Variants in SGCZ observed in about 807,000 individuals in gnomAD.
SGCZ encodes zeta-sarcoglycan.
SGCZ carries 40 observed loss-of-function variants against 41.3 expected under a neutral mutation model. The observed-to-expected ratio is 0.97, with a 90% CI of 0.75 to 1.26. The LOEUF (loss-of-function observed/expected upper bound fraction) is 1.26, where lower values mean the gene tolerates loss of function less well. Among genes scored for constraint, SGCZ ranks in the 50% most tolerant of loss-of-function variants. SGCZ has a pLI of 0.00. For synonymous variants in SGCZ, 206 were observed against 137.5 expected, an observed-to-expected ratio of 1.50 and a Z score of -3.49; for missense variants, 552 against 369.8, an observed-to-expected ratio of 1.49 and a Z score of -4.04.
At chr8:14,702,731 T>TAATA (rs149417372) in intron 1 of SGCZ, among the ~76,000 whole-genome samples, 1 of 91,200 alleles carries the variant, frequency 1.1e-5, no homozygotes, top group Admixed American at 1.4e-4. Flanking sequence ...CTGGCTTCAA[T>TAATA]GATAGATAGA....
At chr8:14,544,046 G>A (rs1239766523) in intron 2 of SGCZ, among the ~76,000 whole-genome samples, 2 of 152,028 alleles carry the variant, frequency 1.3e-5, no homozygotes, top group Non-Finnish European at 2.9e-5. Context: ...TTTGTAAGAG[G>A]GCTTTAATGG....
At chr8:14,354,591 G>T (rs11991390) in intron 2 of SGCZ, among the ~76,000 whole-genome samples, 6,829 of 151,562 alleles carry the variant, frequency 0.045, 505 homozygotes, top group African/African-American at 0.15. Flanking sequence ...TAATACAAGA[G>T]TAAACTAGAG....
chr8:15,096,460 A>G (rs1806349795), intron 1 of SGCZ, among the ~76,000 whole-genome samples: 2 of 152,256 alleles, frequency 1.3e-5, no homozygotes, highest in Admixed American at 1.3e-4. Flanking sequence ...CAAAGGAGAC[A>G]CTTGTGAGAT....
rs10604213 is a variant in SGCZ at position 14,854,021 on chromosome 8, TTATATATATATATA to T, written c.40-299109_40-299096del. Among the ~76,000 whole-genome samples the T allele has an allele frequency of 5.8e-3, 628 of 107,678 alleles. 7 individuals carry two copies. The highest frequency in any genetic ancestry group is 0.026 in the South Asian group (78 of 2,984). 70.6% of individuals were successfully genotyped at this position (107,678 alleles called of 152,430 possible). A position where few individuals can be genotyped will look rare whatever the true frequency, so the allele number is the denominator to read the frequency against. ...CGACATCAGTTTCTATGTGATTATA[TTATATATATATATA>T]TATATATATATATATATATATCCTT... On this transcript the variant is annotated intron_variant, in intron 1 of 7. Coordinates refer to ENST00000382080, the MANE Select transcript of SGCZ (RefSeq NM_139167.4).
rs1372117623 is a variant in SGCZ at position 14,408,649 on chromosome 8, G to T, written c.235-84445C>A. Among the ~76,000 whole-genome samples, 3 of 152,030 alleles carry T rather than the reference G, an allele frequency of 2.0e-5. No individual in the cohort carries two copies. The East Asian group carries it at 5.8e-4, about 29-fold the overall frequency. ...TCTGCAGCAACATTTCATTGCATTTGGATGGTCCCAGGCTGTGAGTTATCT... is the reference window on the plus strand; with the variant it reads ...TCTGCAGCAACATTTCATTGCATTTTGATGGTCCCAGGCTGTGAGTTATCT... On this transcript the variant is annotated intron_variant, in intron 2 of 7. Transcript: ENST00000382080.
At chr8:14,934,883 A>G (rs1585392261) in intron 1 of SGCZ, among the ~76,000 whole-genome samples, 1 of 151,580 alleles carries the variant, frequency 6.6e-6, no homozygotes, top group East Asian at 1.9e-4. Flanking sequence ...CCTAAACAAG[A>G]AAAGTAAAAT....
rs546406786 is a variant in SGCZ at position 14,794,052 on chromosome 8, A to G, written c.40-239126T>C. ...TCCTAATAAAGAAGAACTTAAAGAT[A>G]TAGAAACCACTGTTCCTCATTAAGA... On this transcript the variant is annotated intron_variant, in intron 1 of 7. Transcript: ENST00000382080. 2.3e-4 allele frequency among the ~76,000 whole-genome samples: 35 copies of G among 152,296 alleles called. No homozygotes were observed. The South Asian group carries it at 7.2e-3, about 32-fold the overall frequency.
intron 1 of SGCZ, among the ~76,000 whole-genome samples, chr8:14,776,691 C>T (rs1800413404): frequency 6.6e-6 from 1 of 151,652 alleles, no homozygotes; most frequent in African/African-American, 2.4e-5. Context: ...GGCGGGGTTT[C>T]ACCGTGTTAG....
intron 1 of SGCZ, among the ~76,000 whole-genome samples, chr8:15,101,373 C>T (rs1007575250): frequency 2.6e-5 from 4 of 151,928 alleles, no homozygotes; most frequent in African/African-American, 9.7e-5. Flanking sequence ...CAACTCAATT[C>T]AAAATATTAA....
chr8:15,180,234 GT>G lies in SGCZ; in HGVS notation c.39+57350del, dbSNP rs1308984027. Among the ~76,000 whole-genome samples the G allele has an allele frequency of 7.6e-3, 1,162 of 152,196 alleles. 13 individuals are homozygous for G. Among genetic ancestry groups the G allele is most frequent in the African/African-American group, 0.025 (1,022 of 41,502 alleles). On this transcript the variant is annotated intron_variant, in intron 1 of 7. Transcript: ENST00000382080. The stretch of plus-strand genomic sequence containing the variant: ...AAATAATCCACACATGTTCTCCCCA[GT>G]TTATCTGAGTGCTTCAAATGTGTAG...
At chr8:15,181,767 T>C (rs778552011) in intron 1 of SGCZ, among the ~76,000 whole-genome samples, 4 of 152,210 alleles carry the variant, frequency 2.6e-5, no homozygotes, top group Non-Finnish European at 5.9e-5. Context: ...TGTGTTTCTG[T>C]CTGTATAATT....
At chr8:14,146,650 AT>A (rs1362096209) in intron 5 of SGCZ, among the ~76,000 whole-genome samples, 1 of 152,044 alleles carries the variant, frequency 6.6e-6, no homozygotes, top group Admixed American at 6.6e-5. Context: ...AGGCGGGCGG[AT>A]CACGAGGTCA....
intron 1 of SGCZ, among the ~76,000 whole-genome samples, chr8:14,775,747 A>C (rs1327905549): frequency 6.6e-6 from 1 of 152,194 alleles, no homozygotes; most frequent in African/African-American, 2.4e-5. Flanking sequence ...AAATAAGGTT[A>C]ATTTTCAAAA....
chr8:14,559,224 G>C (rs1027798449), intron 1 of SGCZ, among the ~76,000 whole-genome samples: 1 of 151,936 alleles, frequency 6.6e-6, no homozygotes, highest in African/African-American at 2.4e-5. Flanking sequence ...TGTATACCTA[G>C]AAAACCCTAA....
At chr8:14,157,002 T>A (rs1003899739) in intron 5 of SGCZ, among the ~76,000 whole-genome samples, 10 of 152,168 alleles carry the variant, frequency 6.6e-5, no homozygotes, top group Admixed American at 3.3e-4. Context: ...AGTAAATACA[T>A]AAATCAGTAA....
At chr8:14,775,476 T>A (rs201938297) in intron 1 of SGCZ, among the ~76,000 whole-genome samples, 26,893 of 151,524 alleles carry the variant, frequency 0.18, 4,483 homozygotes, top group African/African-American at 0.44. Context: ...TGTGTGTGTG[T>A]GTGTGTGTGT....
intron 7 of SGCZ, among the ~76,000 whole-genome samples, chr8:14,092,504 C>T (rs1258902928): frequency 2.0e-5 from 3 of 151,652 alleles, no homozygotes; most frequent in Non-Finnish European, 1.5e-5. Flanking sequence ...TGGCTGTGTC[C>T]CCACCCAAAC....
chr8:15,023,761 T>G (rs541495767), intron 1 of SGCZ, among the ~76,000 whole-genome samples: 1 of 152,132 alleles, frequency 6.6e-6, no homozygotes, highest in South Asian at 2.1e-4. Flanking sequence ...TAGTGGACAG[T>G]AGACAAAAAA....
chr8:14,380,879 A>C (rs1804336702), intron 2 of SGCZ, among the ~76,000 whole-genome samples: 1 of 152,156 alleles, frequency 6.6e-6, no homozygotes, highest in Non-Finnish European at 1.5e-5. Context: ...ACAAAAAAAA[A>C]AATTGTGTAA....
Sources: gnomAD v4.1 joint callset for allele counts (sites outside exome capture counted in the v4.1 genomes callset) on GRCh38, gnomAD v4.1.1 for gene constraint, MANE v1.5 for transcripts, NCBI Gene and HGNC (gene_info 2026-07-23, HGNC 2026-07-21) for gene names.